Variants in OR9Q1 observed in about 807,000 individuals in gnomAD.
OR9Q1 encodes olfactory receptor family 9 subfamily Q member 1, also known as olfactory receptor 9Q1.
For synonymous variants in OR9Q1, 153 were observed against 148.6 expected, an observed-to-expected ratio of 1.03 and a Z score of -0.22; for missense variants, 374 against 378.8, an observed-to-expected ratio of 0.99 and a Z score of 0.11.
At chr11:58,175,065 G>A (rs1170525725) in intron 2 of OR9Q1, among the ~76,000 whole-genome samples, 4 of 120,102 alleles carry the variant, frequency 3.3e-5, no homozygotes, top group South Asian at 2.8e-4. Flanking sequence ...GAAATCACGC[G>A]ACTGCACTCC....
intron 1 of OR9Q1, chr11:58,031,075 G>T: frequency 6.2e-7 from 1 of 1,614,136 alleles, no homozygotes. Flanking sequence ...TGTTCACCTT[G>T]GTGGAGAATT....
chr11:58,121,037 C>G (rs1437397374), intron 2 of OR9Q1, among the ~76,000 whole-genome samples: 1 of 151,912 alleles, frequency 6.6e-6, no homozygotes, highest in Non-Finnish European at 1.5e-5. Flanking sequence ...TTGTGTTTCT[C>G]TATTATGACT....
At chr11:58,043,040 T>C (rs972548210) in intron 1 of OR9Q1, among the ~76,000 whole-genome samples, 6 of 152,184 alleles carry the variant, frequency 3.9e-5, no homozygotes, top group Admixed American at 2.6e-4. Flanking sequence ...CTTAAGGAGA[T>C]TTTGGGCTGA....
At chr11:58,098,459 T>A (rs1052349807) in intron 2 of OR9Q1, among the ~76,000 whole-genome samples, 19 of 116,342 alleles carry the variant, frequency 1.6e-4, no homozygotes, top group Non-Finnish European at 2.8e-4. Flanking sequence ...ACATTATTGG[T>A]AGTTATGCCT....
chr11:58,163,081 C>T (rs567904443), intron 2 of OR9Q1, among the ~76,000 whole-genome samples: 1 of 152,196 alleles, frequency 6.6e-6, no homozygotes, highest in South Asian at 2.1e-4. Flanking sequence ...GGTGACAATT[C>T]CTATGGTGAA....
At chr11:58,027,708 A>G (rs112115199) in intron 1 of OR9Q1, among the ~76,000 whole-genome samples, 1,558 of 152,262 alleles carry the variant, frequency 0.01, 31 homozygotes, top group African/African-American at 0.036. Context: ...CTCAGCCCAC[A>G]GGTGAAATGC....
At chr11:58,168,452 A>G (rs1449267089) in intron 2 of OR9Q1, among the ~76,000 whole-genome samples, 1 of 152,148 alleles carries the variant, frequency 6.6e-6, no homozygotes, top group African/African-American at 2.4e-5. Context: ...AGATTTACCC[A>G]TATTGATATA....
At chr11:58,115,339 G>A (rs1208377747) in intron 2 of OR9Q1, among the ~76,000 whole-genome samples, 1 of 152,042 alleles carries the variant, frequency 6.6e-6, no homozygotes, top group African/African-American at 2.4e-5. Flanking sequence ...AGCAAATAAA[G>A]CAATTCCTAA....
rs189412198 is a variant in OR9Q1, at chr11:58,150,611, A to G, written c.-14-28820A>G. Among the ~76,000 whole-genome samples, 30 of 152,306 alleles carry G rather than the reference A, an allele frequency of 2.0e-4. No individual in the cohort carries two copies. In the East Asian group the frequency reaches 5.4e-3, roughly 27 times the overall value. On this transcript the variant is annotated intron_variant, in intron 2 of 2. Transcript: ENST00000335397. ...ACCTGTGGATATTGTAAACATCCTA[A>G]CATCACAGGACAACACATGACTCAC...
chr11:58,143,476 A>G lies in OR9Q1; in HGVS notation c.-14-35955A>G, dbSNP rs576016996. Among the ~76,000 whole-genome samples the G allele has an allele frequency of 6.6e-5, 10 of 152,332 alleles. No individual in the cohort carries two copies. The East Asian group carries it at 1.9e-3, about 29-fold the overall frequency. Reference sequence around the variant, plus strand: ...CCTGTCAGAAGTTTTGGAAGTGCCTAAGGAAATGATGTCTAACCTAGGCTT... The same window carrying G: ...CCTGTCAGAAGTTTTGGAAGTGCCTGAGGAAATGATGTCTAACCTAGGCTT... On this transcript the variant is annotated intron_variant, in intron 2 of 2. Coordinates refer to ENST00000335397, the MANE Select transcript of OR9Q1 (RefSeq NM_001005212.4).
At chr11:58,100,490 T>C (rs930425867) in intron 2 of OR9Q1, among the ~76,000 whole-genome samples, 1 of 152,208 alleles carries the variant, frequency 6.6e-6, no homozygotes, top group Non-Finnish European at 1.5e-5. Flanking sequence ...TAATTAGACA[T>C]TCAGTAGTTC....
chr11:58,173,703 G>T (rs1854577709), intron 2 of OR9Q1, among the ~76,000 whole-genome samples: 1 of 152,074 alleles, frequency 6.6e-6, no homozygotes, highest in Admixed American at 6.6e-5. Flanking sequence ...TCTATCCCAG[G>T]TTGGGAGGGC....
chr11:58,105,346 A>T (rs1354380879), intron 2 of OR9Q1, among the ~76,000 whole-genome samples: 3 of 152,206 alleles, frequency 2.0e-5, no homozygotes, highest in Non-Finnish European at 2.9e-5. Flanking sequence ...ATTGAGGTAT[A>T]ATTGATATAC....
At position 58,158,472 on chromosome 11, in the gene OR9Q1, G is replaced by C. The variant is rs370583803; in HGVS notation, c.-14-20959G>C. On this transcript the variant is annotated intron_variant, in intron 2 of 2. Coordinates refer to ENST00000335397, the MANE Select transcript of OR9Q1 (RefSeq NM_001005212.4). ...ATTTTTCATAGGAAGAGTTTTAAAA[G>C]AAGTGGGCTATTAGTCCTAATCATG... Among the ~76,000 whole-genome samples the C allele has an allele frequency of 4.9e-5, 7 of 142,764 alleles. No individual in the cohort carries two copies. In the East Asian group the frequency reaches 1.3e-3, roughly 26 times the overall value. The allele number at this position is 142,764 out of a possible 152,430, so 93.7% of individuals were successfully genotyped here. A position where few individuals can be genotyped will look rare whatever the true frequency, so the allele number is the denominator to read the frequency against.
intron 2 of OR9Q1, among the ~76,000 whole-genome samples, chr11:58,131,822 G>A (rs1854144348): frequency 6.6e-6 from 1 of 152,000 alleles, no homozygotes; most frequent in African/African-American, 2.4e-5. Context: ...GTGGCTTATA[G>A]GCCTCTCCCA....
At chr11:58,034,560 T>C (rs1002808152) in intron 1 of OR9Q1, among the ~76,000 whole-genome samples, 3 of 152,186 alleles carry the variant, frequency 2.0e-5, no homozygotes, top group African/African-American at 7.2e-5. Context: ...CACACCTATA[T>C]GTATCATCGG....
At chr11:58,123,320 G>T (rs536165607) in intron 2 of OR9Q1, among the ~76,000 whole-genome samples, 1 of 152,124 alleles carries the variant, frequency 6.6e-6, no homozygotes, top group African/African-American at 2.4e-5. Flanking sequence ...TTCAAATCAT[G>T]AGATAACTTG....
intron 1 of OR9Q1, among the ~76,000 whole-genome samples, chr11:58,050,245 CAG>C (rs1373707431): frequency 7.0e-6 from 1 of 142,630 alleles, no homozygotes; most frequent in Non-Finnish European, 1.5e-5. Flanking sequence ...GGTACCAAAA[CAG>C]AGATATAGAT....
At chr11:58,178,336 G>A (rs757183247) in intron 2 of OR9Q1, among the ~76,000 whole-genome samples, 10 of 152,250 alleles carry the variant, frequency 6.6e-5, no homozygotes, top group East Asian at 1.9e-4. Flanking sequence ...ATATGGATGC[G>A]TTAAATTATC....
Sources: gnomAD v4.1 joint callset for allele counts (sites outside exome capture counted in the v4.1 genomes callset) on GRCh38, gnomAD v4.1.1 for gene constraint, MANE v1.5 for transcripts, NCBI Gene and HGNC (gene_info 2026-07-23, HGNC 2026-07-21) for gene names.